MIOS: variants seen among roughly 807,000 people sequenced by gnomAD.
The protein encoded by MIOS is GATOR2 complex protein MIOS.
A neutral mutation model predicts 96.9 loss-of-function variants in MIOS; 52 were observed. The ratio of observed to expected loss-of-function variants is 0.54; its 90% CI spans 0.43 to 0.68. MIOS has a LOEUF of 0.68. Among genes scored for constraint, MIOS ranks in the 30% least tolerant of loss-of-function variants. The pLI is 0.00. For missense variants in MIOS, 1,005 were observed against 1,052.8 expected (o/e 0.95, Z 0.63); for synonymous variants, 397 against 359.5 (o/e 1.10, Z -1.18).
intron 11 of MIOS, among the ~76,000 whole-genome samples, chr7:7,596,803 G>A (rs73340652): frequency 4.6e-5 from 7 of 152,074 alleles, no homozygotes; most frequent in African/African-American, 1.4e-4. Flanking sequence ...CAGTATACCC[G>A]CACCTATTAA....
At chr7:7,593,879 C>CAAAAAAAA (rs35986278) in intron 9 of MIOS, among the ~76,000 whole-genome samples, 67 of 47,706 alleles carry the variant, frequency 1.4e-3, no homozygotes, top group Non-Finnish European at 1.8e-3. Flanking sequence ...ACTCTGTCTC[C>CAAAAAAAA]AAAAAAAAAA....
intron 12 of MIOS, 47 bp from the exon 13 acceptor site, chr7:7,606,949 G>A (rs1784548678): frequency 1.5e-6 from 2 of 1,317,010 alleles, no homozygotes; most frequent in East Asian, 2.3e-5. Context: ...ATAAATGTAT[G>A]TCTGTCTAAT....
At chr7:7,605,111 A>C (rs1784489750) in intron 11 of MIOS, 1 of 152,220 alleles carries the variant, frequency 6.6e-6, no homozygotes, top group African/African-American at 2.4e-5. Flanking sequence ...GCAATGGTCC[A>C]AGCAAAATTT....
At chr7:7,578,439 C>T (rs1783606642) in intron 5 of MIOS, among the ~76,000 whole-genome samples, 1 of 152,016 alleles carries the variant, frequency 6.6e-6, no homozygotes, top group Non-Finnish European at 1.5e-5. Flanking sequence ...ATAGGAGGAT[C>T]GCTTGGGCCC....
chr7:7,605,467 G>A (rs1044956683), intron 11 of MIOS: 1 of 152,378 alleles, frequency 6.6e-6, no homozygotes, highest in Non-Finnish European at 1.5e-5. Flanking sequence ...GCCAATTTTT[G>A]TATTTTTAAC....
At chr7:7,570,852 C>T (rs1488205122) in intron 3 of MIOS, among the ~76,000 whole-genome samples, 1 of 152,154 alleles carries the variant, frequency 6.6e-6, no homozygotes, top group East Asian at 1.9e-4. Flanking sequence ...CTGCTGCTCA[C>T]CTCCTGCTGT....
At chr7:7,594,862 C>CAAAA (rs58139181) in intron 9 of MIOS, 118 bp from the exon 10 acceptor site, 4,558 of 376,280 alleles carry the variant, frequency 0.012, 13 homozygotes, top group East Asian at 0.016. Flanking sequence ...CAGCTTTTGG[C>CAAAA]AAAAAAAAAA....
intron 9 of MIOS, among the ~76,000 whole-genome samples, chr7:7,592,438 AGGG>A (rs1784075752): frequency 6.6e-6 from 1 of 152,126 alleles, no homozygotes; most frequent in Non-Finnish European, 1.5e-5. Context: ...TTTTTGCCCC[AGGG>A]ACTTTTTAGC....
At chr7:7,589,255 C>T (rs1783978892) in intron 8 of MIOS, 150 bp from the exon 9 acceptor site, 1 of 621,372 alleles carries the variant, frequency 1.6e-6, no homozygotes, top group African/African-American at 1.8e-5. Flanking sequence ...GTAATAGATG[C>T]AGACTTCTTA....
At chr7:7,605,747 A>C in intron 11 of MIOS, 195 bp from the exon 12 acceptor site, 1 of 455,686 alleles carries the variant, frequency 2.2e-6, no homozygotes, top group Non-Finnish European at 3.7e-6. Context: ...CCATTTTTAT[A>C]TTGGCTATTA....
rs1783157904 is a variant in MIOS at position 7,566,969 on chromosome 7, C to T, written c.-324C>T. 1.3e-5 allele frequency: 2 copies of T among 152,086 alleles called. No homozygotes were observed. Among genetic ancestry groups the T allele is most frequent in the South Asian group, 4.1e-4 (2 of 4,836 alleles). The allele number at this position is 152,086 out of a possible 1,614,324, so 9.4% of individuals were successfully genotyped here. Reference sequence around the variant, plus strand: ...CCAGCCCAGTGGTCCAGGTCACGGGCCGCACGGCCGCGGCCGCCATCTTGC... The same window carrying T: ...CCAGCCCAGTGGTCCAGGTCACGGGTCGCACGGCCGCGGCCGCCATCTTGC... On this transcript the variant is annotated 5_prime_UTR_variant, in exon 1 of 13. Transcript: ENST00000340080.
chr7:7,577,831 T>G (rs907224849), intron 5 of MIOS, among the ~76,000 whole-genome samples: 4 of 152,022 alleles, frequency 2.6e-5, no homozygotes, highest in Admixed American at 1.3e-4. Context: ...AGAGCTGTCT[T>G]GAGAAATATG....
At position 7,608,798 on chromosome 7, in the gene MIOS, T is replaced by C. The variant is rs1196048454; in HGVS notation, c.*1706T>C. ...AAATTATCTCAAATAGTTACAAGTT[T>C]TGGAAATACAGTATAAAACATGAAT... On this transcript the variant is annotated 3_prime_UTR_variant, in exon 13 of 13. Transcript: ENST00000340080. 2.6e-5 allele frequency: 4 copies of C among 152,084 alleles called. No homozygotes were observed. Among genetic ancestry groups the C allele is most frequent in the Non-Finnish European group, 4.4e-5 (3 of 67,952 alleles). 9.4% of individuals were successfully genotyped at this position (152,084 alleles called of 1,614,324 possible).
intron 11 of MIOS, among the ~76,000 whole-genome samples, chr7:7,597,167 A>C (rs1013277315): frequency 6.6e-6 from 1 of 151,838 alleles, no homozygotes; most frequent in Non-Finnish European, 1.5e-5. Flanking sequence ...TCTACTAAAA[A>C]TACAAAAAAT....
chr7:7,591,916 C>G (rs919628440), intron 9 of MIOS, among the ~76,000 whole-genome samples: 1 of 151,762 alleles, frequency 6.6e-6, no homozygotes, highest in African/African-American at 2.4e-5. Flanking sequence ...TCATAGTGTT[C>G]GTAGGTGCCT....
chr7:7,573,728 A>G lies in MIOS; in HGVS notation c.1253A>G (p.Asn418Ser), dbSNP rs1215180304. The change falls in exon 4 of 13, where the codon AAT becomes AGT. Residue 418 changes from asparagine (N) to serine (S), a missense_variant. Coordinates refer to ENST00000340080, the MANE Select transcript of MIOS (RefSeq NM_019005.4). The surrounding 1 kb of genome is among the most constrained non-coding windows in gnomAD (Gnocchi z 5.0). ...QVWRNHILAG[N>S]EDPQLKSLWY... ...TGGAGGAACCACATTTTAGCTGGAAATGAAGATCCACAGCTCAAGTCACTC... is the reference window on the plus strand; with the variant it reads ...TGGAGGAACCACATTTTAGCTGGAAGTGAAGATCCACAGCTCAAGTCACTC... 1.2e-6 allele frequency: 2 copies of G among 1,611,624 alleles called. No individual in the cohort carries two copies. Among genetic ancestry groups the G allele is most frequent in the Non-Finnish European group, 8.5e-7 (1 of 1,178,672 alleles).
chr7:7,573,757 T>C lies in MIOS; in HGVS notation c.1282T>C (p.Tyr428His). ...NEDPQLKSLW[Y>H]TLHFMKQYTE... ...AGATCCACAGCTCAAGTCACTCTGG[T>C]ATACTCTGCACTATATCCTTTTCAT... Residue 428 changes from tyrosine to histidine, a missense_variant, in exon 4 of 13, where the codon TAT becomes CAT. Transcript: ENST00000340080. This position sits in a 1 kb window ranked among gnomAD's most constrained non-coding sequence, Gnocchi z 5.0. The C allele has an allele frequency of 6.2e-7, 1 of 1,602,026 alleles. No homozygotes were observed. The highest frequency in any genetic ancestry group is 8.5e-7 in the Non-Finnish European group (1 of 1,173,978).
intron 11 of MIOS, chr7:7,605,225 A>C (rs1399180402): frequency 6.6e-6 from 1 of 152,080 alleles, no homozygotes; most frequent in Non-Finnish European, 1.5e-5. Flanking sequence ...CATGAAGTGC[A>C]TTGGGAAACT....
intron 3 of MIOS, among the ~76,000 whole-genome samples, chr7:7,568,970 A>G (rs1783251905): frequency 6.6e-6 from 1 of 152,188 alleles, no homozygotes; most frequent in South Asian, 2.1e-4. Context: ...TAAAACTCGT[A>G]TTTTATGTTT....
Sources: allele counts gnomAD v4.1 joint callset (sites outside exome capture counted in the v4.1 genomes callset), GRCh38; gene constraint gnomAD v4.1.1; non-coding constraint Gnocchi (gnomAD v3.1); transcripts MANE v1.5; gene names NCBI Gene and HGNC (gene_info 2026-07-23, HGNC 2026-07-21).